Variants in TCF7L2 observed in about 807,000 individuals in gnomAD.
TCF7L2 encodes transcription factor 7 like 2.
A neutral mutation model predicts 77.9 loss-of-function variants in TCF7L2; 23 were observed. The ratio of observed to expected loss-of-function variants is 0.30; its 90% CI spans 0.21 to 0.42. The LOEUF is 0.42. Ranked by LOEUF, TCF7L2 falls within the 10% of genes least tolerant of loss-of-function variation. The pLI is 1.00. For missense variants in TCF7L2, 654 were observed against 793.1 expected (o/e 0.82, Z 2.11); for synonymous variants, 413 against 340.2 (o/e 1.21, Z -2.36).
intron 5 of TCF7L2, among the ~76,000 whole-genome samples, chr10:113,062,758 G>T (rs978756804): frequency 2.0e-5 from 3 of 152,114 alleles, no homozygotes; most frequent in African/African-American, 4.8e-5. Context: ...TGGAGGTCAG[G>T]GCTCTGTGGT....
At chr10:113,062,300 T>G (rs530445535) in intron 5 of TCF7L2, among the ~76,000 whole-genome samples, 98 of 152,316 alleles carry the variant, frequency 6.4e-4, no homozygotes, top group East Asian at 3.9e-4. Context: ...GAGAGCTGGC[T>G]GCTTCCCTCC....
chr10:113,100,582 C>G (rs948443126), intron 5 of TCF7L2, among the ~76,000 whole-genome samples: 1 of 152,134 alleles, frequency 6.6e-6, no homozygotes, highest in Non-Finnish European at 1.5e-5. Context: ...AAGATTCTCT[C>G]ATCCTCCCCG....
chr10:113,042,553 A>G (rs1292448800), intron 5 of TCF7L2, among the ~76,000 whole-genome samples: 1 of 152,140 alleles, frequency 6.6e-6, no homozygotes, highest in Admixed American at 6.5e-5. Context: ...CTTTGGTTCT[A>G]TGAGTCAGCC....
chr10:112,990,730 A>AT (rs1242222638), intron 4 of TCF7L2, among the ~76,000 whole-genome samples: 5 of 152,104 alleles, frequency 3.3e-5, no homozygotes, highest in African/African-American at 9.7e-5. Flanking sequence ...AAATAAATAA[A>AT]AAATAAAAAA....
chr10:113,123,277 A>G (rs1279421377), intron 5 of TCF7L2, among the ~76,000 whole-genome samples: 2 of 152,264 alleles, frequency 1.3e-5, no homozygotes, highest in East Asian at 3.8e-4. Context: ...TTCAGAGCGC[A>G]CAAAGATGCA....
rs902952787 is a variant in TCF7L2 at position 113,011,982 on chromosome 10, C to T, written c.451-28043C>T. Among the ~76,000 whole-genome samples, 14 of 151,952 alleles carry T rather than the reference C, an allele frequency of 9.2e-5. No homozygotes were observed. In the East Asian group the frequency reaches 1.6e-3, roughly 17 times the overall value. ...CTCAAGGATTGCTCTTGAGCTTTAC[C>T]GCCTCAAGTATTGCTCTTGAGCGTT... On this transcript the variant is annotated intron_variant, in intron 4 of 13. Transcript: ENST00000627217.
chr10:112,951,706 C>T (rs2031464879), intron 3 of TCF7L2, 99 bp downstream of exon 3: 1 of 593,442 alleles, frequency 1.7e-6, no homozygotes. Context: ...CCCCGCCTCC[C>T]CCTCCCCGCC....
intron 4 of TCF7L2, among the ~76,000 whole-genome samples, chr10:112,967,884 C>T (rs2037359973): frequency 6.6e-6 from 1 of 152,188 alleles, no homozygotes; most frequent in East Asian, 1.9e-4. Context: ...ATCCTCCTGC[C>T]TCGGCCTCCC....
intron 5 of TCF7L2, among the ~76,000 whole-genome samples, chr10:113,065,025 A>G (rs185812750): frequency 1.9e-4 from 28 of 149,136 alleles, no homozygotes; most frequent in Non-Finnish European, 4.2e-4. Flanking sequence ...TGTGTAGAGG[A>G]TGGTGGGATC....
At chr10:113,052,147 G>A (rs531725667) in intron 5 of TCF7L2, among the ~76,000 whole-genome samples, 14 of 152,300 alleles carry the variant, frequency 9.2e-5, no homozygotes, top group African/African-American at 3.4e-4. Flanking sequence ...CATAGAAATT[G>A]TGAGAAGATC....
At chr10:113,152,972 G>A (rs1407878279) in intron 11 of TCF7L2, among the ~76,000 whole-genome samples, 1 of 152,196 alleles carries the variant, frequency 6.6e-6, no homozygotes. Context: ...ATCCTGAGAG[G>A]AGCATGATGG....
At chr10:113,088,159 A>G (rs1352144248) in intron 5 of TCF7L2, among the ~76,000 whole-genome samples, 1 of 152,146 alleles carries the variant, frequency 6.6e-6, no homozygotes, top group Non-Finnish European at 1.5e-5. Context: ...AAAGAAACGT[A>G]GAATATTATT....
chr10:113,108,790 C>A (rs1414668789), intron 5 of TCF7L2, among the ~76,000 whole-genome samples: 1 of 152,182 alleles, frequency 6.6e-6, no homozygotes, highest in Non-Finnish European at 1.5e-5. Context: ...CTCCAGGCAT[C>A]GGAGTTAAAA....
chr10:113,043,048 G>T (rs965780109), intron 5 of TCF7L2, among the ~76,000 whole-genome samples: 5 of 152,154 alleles, frequency 3.3e-5, no homozygotes, highest in Admixed American at 1.3e-4. Context: ...CAAAATAATT[G>T]TCTAAGGATT....
At chr10:113,058,511 A>G (rs1295322279) in intron 5 of TCF7L2, among the ~76,000 whole-genome samples, 5 of 151,716 alleles carry the variant, frequency 3.3e-5, no homozygotes, top group Non-Finnish European at 7.4e-5. Flanking sequence ...GGCAACATGG[A>G]CTCCACACTG....
intron 4 of TCF7L2, among the ~76,000 whole-genome samples, chr10:112,994,544 C>T (rs945552548): frequency 1.3e-5 from 2 of 152,094 alleles, no homozygotes; most frequent in Non-Finnish European, 2.9e-5. Context: ...GTTTTCATTT[C>T]TCCTGGGTAT....
Position 112,978,799 on chromosome 10 carries a change from A to G in TCF7L2, c.450+14175A>G, listed in dbSNP as rs142591035. Among the ~76,000 whole-genome samples, 346 of 151,960 alleles carry G rather than the reference A, an allele frequency of 2.3e-3. 1 individual carries two copies. Among genetic ancestry groups the G allele is most frequent in the African/African-American group, 7.9e-3 (326 of 41,464 alleles). On this transcript the variant is annotated intron_variant, in intron 4 of 13. Transcript: ENST00000627217. ...CGGCCAGATTTTGTGATTTTTATAT[A>G]ATAATATATGATTCCACTTCTTTTA...
chr10:113,143,152 C>A (rs2068685973), intron 6 of TCF7L2, among the ~76,000 whole-genome samples: 1 of 152,256 alleles, frequency 6.6e-6, no homozygotes, highest in Non-Finnish European at 1.5e-5. Flanking sequence ...TCCTGTGGAA[C>A]TGGCAGATGT....
chr10:113,115,690 G>A (rs1290560534), intron 5 of TCF7L2, among the ~76,000 whole-genome samples: 1 of 152,132 alleles, frequency 6.6e-6, no homozygotes, highest in Admixed American at 6.6e-5. Flanking sequence ...GTTTTTCTTT[G>A]TAAATAATAG....
Sources: allele counts gnomAD v4.1 joint callset (sites outside exome capture counted in the v4.1 genomes callset), GRCh38; gene constraint gnomAD v4.1.1; transcripts MANE v1.5; gene names NCBI Gene and HGNC (gene_info 2026-07-23, HGNC 2026-07-21).